PAAF1: variants seen among roughly 807,000 people sequenced by gnomAD.
PAAF1 encodes the protein proteasomal ATPase associated factor 1, also known as proteasomal ATPase-associated factor 1.
PAAF1 carries 46 observed loss-of-function variants against 52.8 expected under a neutral mutation model. The ratio of observed to expected loss-of-function variants is 0.87; its 90% CI spans 0.69 to 1.11. PAAF1 has a LOEUF of 1.11. Ranked by LOEUF, PAAF1 falls within the 50% of genes most tolerant of loss-of-function variation. The pLI is 0.00. For missense variants in PAAF1, 424 were observed against 477.4 expected, an observed-to-expected ratio of 0.89 and a Z score of 1.04; for synonymous variants, 178 against 172.8, an observed-to-expected ratio of 1.03 and a Z score of -0.24.
intron 1 of PAAF1, 53 bp from the exon 2 acceptor site, chr11:73,878,726 G>A: frequency 6.5e-7 from 1 of 1,545,778 alleles, no homozygotes; most frequent in Non-Finnish European, 8.9e-7. Context: ...TGTAACTATG[G>A]GATCCTATTC....
chr11:73,899,015 A>G (rs1949515797), intron 4 of PAAF1, 131 bp from the exon 5 acceptor site: 1 of 645,246 alleles, frequency 1.5e-6, no homozygotes, highest in East Asian at 2.9e-5. Context: ...ATCAAACACA[A>G]GTCCTTTTGT....
chr11:73,900,398 G>C lies in PAAF1; in HGVS notation c.510G>C (p.Val170=). ...CAGCTGAAGATGCTAGCTGCGTGGT[G>C]ACCTTCAAAGGTCACAAAGGAGGTA... The part of the protein sequence containing the change: ...IWSAEDASCV[V]TFKGHKGGIL... The change falls in exon 6 of 12, where the codon GTG becomes GTC. Residue 170 remains valine, a synonymous_variant. Coordinates refer to ENST00000310571, the MANE Select transcript of PAAF1 (RefSeq NM_025155.3). 2 of 1,610,790 alleles carry C rather than the reference G, an allele frequency of 1.2e-6. No homozygotes were observed.
intron 8 of PAAF1, among the ~76,000 whole-genome samples, chr11:73,914,788 A>C (rs113413367): frequency 6.7e-6 from 1 of 149,870 alleles, no homozygotes; most frequent in Non-Finnish European, 1.5e-5. Context: ...GCTCACTGCA[A>C]CCTCCACCTC....
intron 6 of PAAF1, among the ~76,000 whole-genome samples, chr11:73,905,850 A>G (rs1949740374): frequency 6.6e-6 from 1 of 152,094 alleles, no homozygotes; most frequent in Non-Finnish European, 1.5e-5. Context: ...TTCCAAAAGC[A>G]TGTATCACTT....
intron 4 of PAAF1, among the ~76,000 whole-genome samples, chr11:73,894,754 G>T (rs1468790181): frequency 2.6e-5 from 4 of 152,304 alleles, no homozygotes; most frequent in African/African-American, 9.6e-5. Context: ...AACCCAGGAG[G>T]CAGAGGTTGC....
At chr11:73,884,545 T>A (rs1037007545) in intron 2 of PAAF1, among the ~76,000 whole-genome samples, 1 of 152,118 alleles carries the variant, frequency 6.6e-6, no homozygotes, top group Non-Finnish European at 1.5e-5. Flanking sequence ...GAGAAGTCAT[T>A]GAGTGATTGG....
intron 8 of PAAF1, among the ~76,000 whole-genome samples, chr11:73,915,345 C>T (rs982573321): frequency 6.6e-6 from 1 of 152,160 alleles, no homozygotes; most frequent in Non-Finnish European, 1.5e-5. Flanking sequence ...GTGGCTCATG[C>T]CTGTAATCCC....
intron 2 of PAAF1, among the ~76,000 whole-genome samples, chr11:73,882,759 C>A: frequency 6.6e-6 from 1 of 152,216 alleles, no homozygotes; most frequent in South Asian, 2.1e-4. Flanking sequence ...TCCGCCACCA[C>A]GCCCAGCTAA....
chr11:73,877,132 G>A lies in PAAF1; in HGVS notation c.47+64G>A, dbSNP rs950168724. The A allele has an allele frequency of 2.8e-6, 4 of 1,450,824 alleles. No individual in the cohort carries two copies. In the African/African-American group the frequency reaches 4.3e-5, roughly 16 times the overall value. The allele number at this position is 1,450,824 out of a possible 1,614,324, so 89.9% of individuals were successfully genotyped here. A position where few individuals can be genotyped will look rare whatever the true frequency, so the allele number is the denominator to read the frequency against. On this transcript the variant is annotated intron_variant, in intron 1 of 11. Transcript: ENST00000310571. ...AGTGGATGTTGCTTTGCGTCAAGGA[G>A]AGCCATGCCTGGTCCAGGATATCAA...
At chr11:73,908,273 ATG>A (rs1216430677) in intron 6 of PAAF1, among the ~76,000 whole-genome samples, 1 of 143,464 alleles carries the variant, frequency 7.0e-6, no homozygotes, top group African/African-American at 2.7e-5. Flanking sequence ...ATGTGTATAT[ATG>A]TGTATATATG....
In PAAF1 at chr11:73,900,330, G is replaced by T. The variant is rs139265499; in HGVS notation, c.442G>T (p.Val148Leu). ...NCCRFFPSGL[V>L]VLSGGMDAQL... ...TTGCAGGTTTTTCCCATCAGGCCTT[G>T]TGGTCCTGAGTGGGGGAATGGATGC... The change falls in exon 6 of 12, where the codon GTG (valine) becomes TTG (leucine). Residue 148 changes from valine to leucine, a missense_variant. Val to Leu is a conservative substitution (Grantham distance 32, BLOSUM62 1). Coordinates refer to ENST00000310571, the MANE Select transcript of PAAF1 (RefSeq NM_025155.3). 9.2e-5 allele frequency: 149 copies of T among 1,613,050 alleles called. No individual in the cohort carries two copies. The highest frequency in any genetic ancestry group is 1.5e-5 in the Non-Finnish European group (18 of 1,179,332).
intron 6 of PAAF1, among the ~76,000 whole-genome samples, chr11:73,900,706 G>A (rs1168408413): frequency 6.6e-6 from 1 of 152,170 alleles, no homozygotes; most frequent in Non-Finnish European, 1.5e-5. Context: ...TTTCTGGCCG[G>A]GCGCGGTGGC....
At chr11:73,880,687 G>GGAAAAAAAAAAAAAAAAAAAAAAAAAA (rs1373166466) in intron 2 of PAAF1, 1 of 40,598 alleles carries the variant, frequency 2.5e-5, no homozygotes, top group Non-Finnish European at 5.4e-5. Context: ...ACTCTGTCTC[G>GGAAAAAAAAAAAAAAAAAAAAAAAAAA]AAAAAAAAAA....
chr11:73,886,055 T>C (rs1949049896), intron 2 of PAAF1, among the ~76,000 whole-genome samples: 1 of 152,188 alleles, frequency 6.6e-6, no homozygotes, highest in Admixed American at 6.5e-5. Flanking sequence ...ATATAAGGTG[T>C]AGAAGAAGAA....
chr11:73,918,364 T>A (rs866890828), intron 9 of PAAF1, among the ~76,000 whole-genome samples: 1 of 138,684 alleles, frequency 7.2e-6, no homozygotes, highest in Admixed American at 7.4e-5. Flanking sequence ...TTTTTTTTTT[T>A]TTTTTTTTTT....
At chr11:73,896,676 GAA>G (rs1591068352) in intron 4 of PAAF1, among the ~76,000 whole-genome samples, 1 of 152,154 alleles carries the variant, frequency 6.6e-6, no homozygotes, top group Admixed American at 6.5e-5. Context: ...GGAACAAAAT[GAA>G]AAGTCTCCCA....
chr11:73,916,269 G>C (rs925503277), intron 8 of PAAF1, among the ~76,000 whole-genome samples: 10 of 152,140 alleles, frequency 6.6e-5, no homozygotes, highest in African/African-American at 2.4e-4. Flanking sequence ...AGGATCCTGT[G>C]AGACAGTGTG....
At chr11:73,886,724 G>A (rs928232654) in intron 2 of PAAF1, among the ~76,000 whole-genome samples, 3 of 146,274 alleles carry the variant, frequency 2.1e-5, no homozygotes, top group African/African-American at 7.5e-5. Flanking sequence ...TCTTGAAAGT[G>A]TATTCCCTTT....
At chr11:73,880,687 G>GGAAAAAA (rs1373166466) in intron 2 of PAAF1, 2 of 40,598 alleles carry the variant, frequency 4.9e-5, no homozygotes, top group African/African-American at 6.8e-5. Context: ...ACTCTGTCTC[G>GGAAAAAA]AAAAAAAAAA....
Sources: gnomAD v4.1 joint callset for allele counts (sites outside exome capture counted in the v4.1 genomes callset) on GRCh38, gnomAD v4.1.1 for gene constraint, MANE v1.5 for transcripts, NCBI Gene and HGNC (gene_info 2026-07-23, HGNC 2026-07-21) for gene names.